Variants in OPHN1 observed in about 807,000 individuals in gnomAD.
OPHN1 encodes oligophrenin-1.
Under a neutral mutation model 60.7 loss-of-function variants are expected in OPHN1, and 11 were observed. The observed-to-expected ratio is 0.18, with a 90% CI of 0.11 to 0.30. OPHN1 has a LOEUF of 0.30. Among genes scored for constraint, OPHN1 ranks in the 10% least tolerant of loss-of-function variants. OPHN1 has a pLI of 1.00. For synonymous variants in OPHN1, 226 were observed against 222.6 expected (o/e 1.02, Z -0.14); for missense variants, 449 against 611.0 (o/e 0.73, Z 2.80).
At chrX:68,080,253 T>C (rs762517093) in intron 19 of OPHN1, among the ~76,000 whole-genome samples, 2 of 112,517 alleles carry the variant, frequency 1.8e-5, no homozygotes, top group East Asian at 5.6e-4. Context: ...CCCTCCACTA[T>C]AGCCATGCTG....
At chrX:68,423,114 C>T (rs2078838176) in intron 2 of OPHN1, among the ~76,000 whole-genome samples, 1 of 110,719 alleles carries the variant, frequency 9.0e-6, no homozygotes, top group South Asian at 3.8e-4. Context: ...CAAGCTCCGC[C>T]TCCTGGGTTC....
At chrX:68,419,538 A>ATTTTTT (rs201633101) in intron 2 of OPHN1, among the ~76,000 whole-genome samples, 1 of 84,926 alleles carries the variant, frequency 1.2e-5, no homozygotes, top group Non-Finnish European at 2.2e-5. Flanking sequence ...CTCCTTAACA[A>ATTTTTT]TTTTTTTTTT....
chrX:68,287,130 A>AAAGG (rs1224781379), intron 3 of OPHN1, among the ~76,000 whole-genome samples: 5 of 93,347 alleles, frequency 5.4e-5, no homozygotes, highest in African/African-American at 1.2e-4. Flanking sequence ...AGAGAGAGAG[A>AAAGG]AAGGAAGGAA....
intron 2 of OPHN1, among the ~76,000 whole-genome samples, chrX:68,383,393 A>G (rs1198934034): frequency 1.8e-5 from 2 of 108,740 alleles, no homozygotes; most frequent in Non-Finnish European, 3.8e-5. Context: ...GGAGTTTGAG[A>G]CCAGCCTGGC....
intron 19 of OPHN1, among the ~76,000 whole-genome samples, chrX:68,073,598 C>G (rs956681987): frequency 1.8e-5 from 2 of 111,938 alleles, no homozygotes; most frequent in Non-Finnish European, 3.8e-5. Context: ...TTAGGCAAGT[C>G]ACCTCACTTC....
At position 68,123,324 on chromosome X, in the gene OPHN1, G is replaced by T. The variant is rs184437024; in HGVS notation, c.1277-3992C>A. Among the ~76,000 whole-genome samples the T allele has an allele frequency of 3.6e-5, 4 of 111,856 alleles. No individual in the cohort carries two copies. In the East Asian group the frequency reaches 1.1e-3, roughly 32 times the overall value. ...ATAGCAGATCTATCTTACAAGAGAC[G>T]CTAAAGAGAGTACTTCATTCAGAAA... is the stretch of plus-strand genomic sequence containing the variant. On this transcript the variant is annotated intron_variant, in intron 15 of 24. Transcript: ENST00000355520.
chrX:68,073,207 C>T lies in OPHN1; in HGVS notation c.1779G>A (p.Lys593=), dbSNP rs1033951931. 1 of 1,210,481 alleles carries T rather than the reference C, an allele frequency of 8.3e-7. No homozygotes were observed. Among genetic ancestry groups the T allele is most frequent in the Non-Finnish European group, 1.1e-6 (1 of 895,324 alleles). Residue 593 remains lysine, a synonymous_variant, in exon 20 of 25, where the codon AAG becomes AAA. Coordinates refer to ENST00000355520, the MANE Select transcript of OPHN1 (RefSeq NM_002547.3). ...AAACCGTCCTTTCTCGCAGCAAGCG[C>T]TTTGAAATCGTGATTGGTTTGTGCC... The part of the protein sequence containing the change: ...ARRHKPITIS[K]RLLRERTVFY...
intron 2 of OPHN1, among the ~76,000 whole-genome samples, chrX:68,335,559 T>A (rs2078318119): frequency 8.9e-6 from 1 of 112,041 alleles, no homozygotes; most frequent in Non-Finnish European, 1.9e-5. Flanking sequence ...ACGAAATCTA[T>A]CCACAGTGTC....
In OPHN1 at chrX:68,071,221, G is replaced by C. The variant is rs756796271; in HGVS notation, c.1834+1931C>G. ...CTCCTTCTTCATCAAAAAACCACCAGCCTTCTGTGGCAGACTGACTCCTAC... is the reference window on the plus strand; with the variant it reads ...CTCCTTCTTCATCAAAAAACCACCACCCTTCTGTGGCAGACTGACTCCTAC... On this transcript the variant is annotated intron_variant, in intron 20 of 24. Transcript: ENST00000355520. 1.2e-4 allele frequency: 78 copies of C among 661,811 alleles called. No individual in the cohort carries two copies. In the African/African-American group the frequency reaches 1.6e-3, roughly 13 times the overall value. 54.5% of individuals were successfully genotyped at this position (661,811 alleles called of 1,213,427 possible).
At chrX:68,425,222 G>A (rs771035138) in intron 2 of OPHN1, among the ~76,000 whole-genome samples, 4 of 111,848 alleles carry the variant, frequency 3.6e-5, no homozygotes, top group Admixed American at 2.9e-4. Flanking sequence ...AGCATTCAAT[G>A]AGAGGATAGT....
intron 5 of OPHN1, among the ~76,000 whole-genome samples, chrX:68,242,217 A>T (rs1225403532): frequency 9.6e-6 from 1 of 104,439 alleles, no homozygotes; most frequent in African/African-American, 3.5e-5. Context: ...ATCTCTACAA[A>T]AAAAAAAAAA....
At chrX:68,332,356 T>C (rs1452991334) in intron 2 of OPHN1, among the ~76,000 whole-genome samples, 1 of 111,384 alleles carries the variant, frequency 9.0e-6, no homozygotes, top group African/African-American at 3.3e-5. Flanking sequence ...GGCACCCAAA[T>C]AGGCGCCTGG....
chrX:68,232,333 C>T (rs953059761), intron 6 of OPHN1, among the ~76,000 whole-genome samples: 2 of 111,349 alleles, frequency 1.8e-5, no homozygotes, highest in Non-Finnish European at 1.9e-5. Flanking sequence ...CGTACACAGC[C>T]GACTGAGCAA....
At chrX:68,327,852 T>C (rs1602329660) in intron 2 of OPHN1, among the ~76,000 whole-genome samples, 3 of 92,828 alleles carry the variant, frequency 3.2e-5, no homozygotes, top group African/African-American at 8.5e-5. Context: ...AGACGGAGTC[T>C]CGCTCTGTCG....
At chrX:68,071,074 A>G in intron 20 of OPHN1, 4 of 1,107,753 alleles carry the variant, frequency 3.6e-6, no homozygotes, top group Non-Finnish European at 5.0e-6. Context: ...ACCAATAATC[A>G]TCTCATTGAC....
chrX:68,357,908 CA>C (rs1165296687), intron 2 of OPHN1, among the ~76,000 whole-genome samples: 1 of 109,288 alleles, frequency 9.2e-6, no homozygotes, highest in Admixed American at 1.0e-4. Flanking sequence ...ATTTAAAGGC[CA>C]AAATAGGCCA....
intron 2 of OPHN1, among the ~76,000 whole-genome samples, chrX:68,392,166 C>G (rs1265498666): frequency 1.8e-5 from 2 of 111,513 alleles, no homozygotes; most frequent in African/African-American, 3.3e-5. Flanking sequence ...ACCAATCCCT[C>G]TTTTCTCAGC....
At position 68,239,816 on chromosome X, in the gene OPHN1, A is replaced by AT. The variant is rs35695832; in HGVS notation, c.385-5229dup. ...CTTATTTAATTTTCTTTCCTTTTCT[A>AT]TTTTTTTTTTTTTTCTTTAGAAGGA... is the stretch of plus-strand genomic sequence containing the variant. On this transcript the variant is annotated intron_variant, in intron 5 of 24. Transcript: ENST00000355520. Among the ~76,000 whole-genome samples the AT allele has an allele frequency of 5.5e-3, 516 of 93,569 alleles. 2 individuals are homozygous for AT. Among genetic ancestry groups the AT allele is most frequent in the African/African-American group, 0.012 (305 of 25,335 alleles). 81.3% of individuals were successfully genotyped at this position (93,569 alleles called of 115,157 possible).
intron 5 of OPHN1, among the ~76,000 whole-genome samples, chrX:68,237,982 T>G (rs773606434): frequency 2.5e-4 from 28 of 112,149 alleles, no homozygotes; most frequent in Non-Finnish European, 4.3e-4. Flanking sequence ...TGATGTTAAC[T>G]TCTAGTTTTG....
Sources: allele counts gnomAD v4.1 joint callset (sites outside exome capture counted in the v4.1 genomes callset), GRCh38; gene constraint gnomAD v4.1.1; transcripts MANE v1.5; gene names NCBI Gene and HGNC (gene_info 2026-07-23, HGNC 2026-07-21).